Variants in ANKS1A observed in about 807,000 individuals in gnomAD.
ANKS1A encodes ankyrin repeat and SAM domain-containing protein 1A.
In ANKS1A, 55 loss-of-function variants were observed where a neutral mutation model predicts 120.3. The observed-to-expected ratio is 0.46, with a 90% CI of 0.37 to 0.57. The LOEUF (loss-of-function observed/expected upper bound fraction) is 0.57. Ranked by LOEUF, ANKS1A falls within the 20% of genes least tolerant of loss-of-function variation. The pLI, the probability that ANKS1A is intolerant of heterozygous loss-of-function variation, is 0.00. For synonymous variants in ANKS1A, 590 were observed against 604.7 expected (o/e 0.98, Z 0.36); for missense variants, 1,123 against 1,480.3 (o/e 0.76, Z 3.96).
At chr6:35,007,012 A>C (rs1173922597) in intron 10 of ANKS1A, among the ~76,000 whole-genome samples, 1 of 152,168 alleles carries the variant, frequency 6.6e-6, no homozygotes, top group Non-Finnish European at 1.5e-5. Flanking sequence ...ACAAAAAAGA[A>C]TATATAACCT....
chr6:35,065,880 C>T (rs1217966340), intron 13 of ANKS1A, among the ~76,000 whole-genome samples: 1 of 152,246 alleles, frequency 6.6e-6, no homozygotes, highest in Non-Finnish European at 1.5e-5. Flanking sequence ...TGGGCCTGTG[C>T]AGCCACCACC....
intron 13 of ANKS1A, among the ~76,000 whole-genome samples, chr6:35,062,930 G>A (rs1445522711): frequency 7.2e-5 from 11 of 152,120 alleles, no homozygotes; most frequent in East Asian, 1.9e-4. Flanking sequence ...CCAGGTTTAC[G>A]TTTTGGGACC....
rs1415464787 is a variant in ANKS1A, at chr6:35,017,591, G to A, written c.1542G>A (p.Gln514=). 7.4e-6 allele frequency: 12 copies of A among 1,613,904 alleles called. No individual in the cohort carries two copies. Among genetic ancestry groups the A allele is most frequent in the South Asian group, 1.1e-5 (1 of 91,084 alleles). ...HGSSPVCEVG[Q]DPFQLLCTAG... is the part of the protein sequence containing the mutation. ...CCTCCCCGGTGTGCGAGGTGGGGCA[G>A]GACCCTTTCCAGCTGCTCTGTACCG... The change falls in exon 11 of 24, where the codon CAG becomes CAA. Residue 514 remains glutamine, a synonymous_variant. Transcript: ENST00000360359.
intron 1 of ANKS1A, among the ~76,000 whole-genome samples, chr6:34,898,136 G>A (rs1227129152): frequency 6.6e-6 from 1 of 152,208 alleles, no homozygotes; most frequent in East Asian, 1.9e-4. Context: ...GGAGCCAGGT[G>A]CTTGCCACCC....
chr6:34,892,649 A>G (rs1045089037), intron 1 of ANKS1A, among the ~76,000 whole-genome samples: 8 of 152,058 alleles, frequency 5.3e-5, no homozygotes, highest in Non-Finnish European at 8.8e-5. Flanking sequence ...TCTCTTACCC[A>G]TCCCTTTTCC....
At chr6:34,898,168 C>T (rs147585394) in intron 1 of ANKS1A, among the ~76,000 whole-genome samples, 89 of 152,270 alleles carry the variant, frequency 5.8e-4, no homozygotes, top group African/African-American at 2.0e-3. Context: ...GAGTGAGGAC[C>T]CTGTTAAGGA....
intron 1 of ANKS1A, among the ~76,000 whole-genome samples, chr6:34,949,720 A>G (rs1433034484): frequency 6.6e-6 from 1 of 152,210 alleles, no homozygotes; most frequent in Non-Finnish European, 1.5e-5. Context: ...CAATTCGTAC[A>G]ATGTCTTCTA....
intron 1 of ANKS1A, among the ~76,000 whole-genome samples, chr6:34,925,305 A>G (rs1768654335): frequency 6.6e-6 from 1 of 152,112 alleles, no homozygotes; most frequent in Admixed American, 6.6e-5. Flanking sequence ...ATTCCTCTCC[A>G]CAGTCTCTGC....
intron 1 of ANKS1A, among the ~76,000 whole-genome samples, chr6:34,922,016 C>CT (rs558428378): frequency 0.064 from 8,527 of 133,542 alleles, 441 homozygotes; most frequent in African/African-American, 0.13. Flanking sequence ...AATTGACTTC[C>CT]TTTTTTTTTT....
intron 8 of ANKS1A, 33 bp downstream of exon 8, chr6:34,985,311 C>T (rs759012898): frequency 2.3e-5 from 36 of 1,596,684 alleles, no homozygotes; most frequent in Non-Finnish European, 3.1e-5. Context: ...CTCCTGGGGG[C>T]TGTGTTGGCT....
intron 13 of ANKS1A, among the ~76,000 whole-genome samples, chr6:35,074,538 G>A (rs1430166509): frequency 6.6e-6 from 1 of 152,040 alleles, no homozygotes; most frequent in Non-Finnish European, 1.5e-5. Flanking sequence ...AGGTTGCAGT[G>A]AGCCATCATC....
chr6:35,083,692 C>T (rs1448665068), intron 20 of ANKS1A, among the ~76,000 whole-genome samples, 189 bp downstream of exon 20: 26 of 152,198 alleles, frequency 1.7e-4, no homozygotes, highest in Admixed American at 1.7e-3. Flanking sequence ...TGCCTGCTGT[C>T]AGCCCCGTCC....
intron 1 of ANKS1A, among the ~76,000 whole-genome samples, chr6:34,898,644 AAAT>A (rs1212602631): frequency 6.6e-6 from 1 of 152,208 alleles, no homozygotes; most frequent in Non-Finnish European, 1.5e-5. Context: ...ACTAAGAAGA[AAAT>A]AAAATCAGTT....
Position 34,967,285 on chromosome 6 carries a change from A to T in ANKS1A, c.244A>T (p.Thr82Ser). The stretch of plus-strand genomic sequence containing the variant: ...GAACTGTGTTGACAGCACTGGCTAC[A>T]CACCCCTGCACCATGCTGCTTTGAA... ...NVNCVDSTGYTPLHHAALNGH... is the reference protein window; with the variant it reads ...NVNCVDSTGYSPLHHAALNGH... The change falls in exon 2 of 24, where the codon ACA (threonine) becomes TCA (serine). Residue 82 changes from threonine (T) to serine (S), a missense_variant. Around this residue, in one of 3 missense-constraint regions of ANKS1A, gnomAD observed 146 missense variants for 267.8 expected, o/e 0.55. Transcript: ENST00000360359. 1.9e-6 allele frequency: 3 copies of T among 1,613,874 alleles called. No individual in the cohort carries two copies. Among genetic ancestry groups the T allele is most frequent in the Non-Finnish European group, 2.5e-6 (3 of 1,179,968 alleles).
intron 3 of ANKS1A, 65 bp downstream of exon 3, chr6:34,970,231 C>T: frequency 1.3e-6 from 2 of 1,503,032 alleles, no homozygotes; most frequent in South Asian, 2.6e-5. Context: ...ACCCCATCAC[C>T]ATCTTAGCCC....
Position 35,086,121 on chromosome 6 carries a change from C to A in ANKS1A, c.3303+185C>A, listed in dbSNP as rs976918441. The stretch of plus-strand genomic sequence containing the variant: ...CCTGGAAAGGCAGCAGCTCCTCTGG[C>A]CTGGGCGGGCCTCTCATGCTCCTGT... On this transcript the variant is annotated intron_variant, in intron 22 of 23. Coordinates refer to ENST00000360359, the MANE Select transcript of ANKS1A (RefSeq NM_015245.3). The surrounding 1 kb of genome is among the most constrained non-coding windows in gnomAD (Gnocchi z 5.1). The A allele has an allele frequency of 3.5e-6, 4 of 1,147,060 alleles. No individual in the cohort carries two copies. Among genetic ancestry groups the A allele is most frequent in the Middle Eastern group, 2.5e-4 (1 of 3,942 alleles). The allele number at this position is 1,147,060 out of a possible 1,614,324, so 71.1% of individuals were successfully genotyped here.
At chr6:35,019,209 T>G (rs1368658515) in intron 11 of ANKS1A, among the ~76,000 whole-genome samples, 2 of 152,222 alleles carry the variant, frequency 1.3e-5, no homozygotes, top group Non-Finnish European at 2.9e-5. Context: ...CCTTGCAAGC[T>G]TCTTACTGAG....
At chr6:35,054,233 C>T in intron 12 of ANKS1A, 68 bp downstream of exon 12, 1 of 1,462,834 alleles carries the variant, frequency 6.8e-7, no homozygotes, top group Non-Finnish European at 9.6e-7. Context: ...CTCAGGCTTT[C>T]CTCTAACACA....
intron 1 of ANKS1A, among the ~76,000 whole-genome samples, chr6:34,950,222 C>CTTTTTTT (rs747865614): frequency 2.1e-5 from 2 of 97,542 alleles, no homozygotes; most frequent in Non-Finnish European, 1.9e-5. Context: ...TCTTTTCTCT[C>CTTTTTTT]TTTTTTTTTT....
Sources: allele counts gnomAD v4.1 joint callset (sites outside exome capture counted in the v4.1 genomes callset), GRCh38; gene constraint gnomAD v4.1.1; regional missense constraint gnomAD v4.1.1; non-coding constraint Gnocchi (gnomAD v3.1); transcripts MANE v1.5; gene names NCBI Gene and HGNC (gene_info 2026-07-23, HGNC 2026-07-21).